Variants in XKR6 observed in about 807,000 individuals in gnomAD.
The protein encoded by XKR6 is XK related 6.
A neutral mutation model predicts 56.7 loss-of-function variants in XKR6; 22 were observed. That is an observed-to-expected ratio of 0.39 (90% CI 0.28 to 0.55). The LOEUF is 0.55. Among genes scored for constraint, XKR6 ranks in the 20% least tolerant of loss-of-function variants. The pLI, the probability that XKR6 is intolerant of heterozygous loss-of-function variation, is 0.66. For synonymous variants in XKR6, 524 were observed against 387.8 expected (o/e 1.35, Z -4.13); for missense variants, 852 against 889.0 (o/e 0.96, Z 0.53).
chr8:10,988,879 C>T (rs575232696), intron 1 of XKR6, among the ~76,000 whole-genome samples: 12 of 152,302 alleles, frequency 7.9e-5, no homozygotes, highest in South Asian at 2.1e-4. Context: ...CTTTGCTGTC[C>T]GGTGGCTTGT....
intron 1 of XKR6, among the ~76,000 whole-genome samples, chr8:11,170,071 G>C (rs1042610851): frequency 2.0e-5 from 3 of 151,842 alleles, no homozygotes; most frequent in African/African-American, 4.9e-5. Flanking sequence ...CAAGTTTCTG[G>C]TTATTAGATA....
intron 1 of XKR6, among the ~76,000 whole-genome samples, chr8:11,000,370 G>A (rs539555638): frequency 1.3e-5 from 2 of 152,282 alleles, no homozygotes; most frequent in African/African-American, 4.8e-5. Context: ...CTTCCTCGTG[G>A]AGCACATAAT....
Position 11,201,379 on chromosome 8 carries a change from A to AG in XKR6, c.-41_-40insC. Reference sequence around the variant, plus strand: ...CAGCTCCGGAGGTTGGGGGGGAGGGACGGCGGGGGGGGGGGGAAGAAGGCA... The same window carrying AG: ...CAGCTCCGGAGGTTGGGGGGGAGGGAGCGGCGGGGGGGGGGGGAAGAAGGCA... On this transcript the variant is annotated 5_prime_UTR_variant, in exon 1 of 3. Coordinates refer to ENST00000416569, the MANE Select transcript of XKR6 (RefSeq NM_173683.4). 4.6e-5 allele frequency: 6 copies of AG among 129,386 alleles called. No individual in the cohort carries two copies. The highest frequency in any genetic ancestry group is 1.7e-4 in the South Asian group (2 of 11,796). The allele number at this position is 129,386 out of a possible 1,614,324, so 8.0% of individuals were successfully genotyped here.
chr8:11,061,267 C>A (rs1272097332), intron 1 of XKR6, among the ~76,000 whole-genome samples: 2 of 152,088 alleles, frequency 1.3e-5, no homozygotes, highest in African/African-American at 4.8e-5. Context: ...GAGTTTGAGC[C>A]CAGCCTGGGC....
chr8:11,199,243 T>C (rs1291797560), intron 1 of XKR6, among the ~76,000 whole-genome samples: 2 of 152,248 alleles, frequency 1.3e-5, no homozygotes, highest in Admixed American at 6.5e-5. Context: ...TCCCCTAGCC[T>C]GAATTTGCAC....
intron 1 of XKR6, among the ~76,000 whole-genome samples, chr8:11,182,103 T>C (rs1194814781): frequency 1.3e-5 from 2 of 152,204 alleles, no homozygotes; most frequent in Non-Finnish European, 2.9e-5. Context: ...CTAACCAAAA[T>C]AAACACTATT....
intron 1 of XKR6, among the ~76,000 whole-genome samples, chr8:11,134,090 C>G (rs1057123927): frequency 6.6e-6 from 1 of 152,154 alleles, no homozygotes; most frequent in Non-Finnish European, 1.5e-5. Flanking sequence ...CATCACCACA[C>G]CCTGGTTCCT....
At chr8:11,083,825 A>T (rs1373838432) in intron 1 of XKR6, among the ~76,000 whole-genome samples, 2 of 152,194 alleles carry the variant, frequency 1.3e-5, no homozygotes, top group East Asian at 3.8e-4. Flanking sequence ...GAAAGAGAAC[A>T]TGGAACTGTA....
chr8:10,945,282 G>A (rs563613662), intron 1 of XKR6, among the ~76,000 whole-genome samples: 3 of 152,292 alleles, frequency 2.0e-5, no homozygotes, highest in East Asian at 3.9e-4. Context: ...TCGGGAGTTC[G>A]ACACCAGCCT....
In XKR6 at chr8:11,178,557, T is replaced by TATATAC. The variant is rs1483309298; in HGVS notation, c.764+22018_764+22019insGTATAT. ...CATCTGAGAGGTAAAAATATATATA[T>TATATAC]ATATATATATATATATGTATATATA... On this transcript the variant is annotated intron_variant, in intron 1 of 2. Transcript: ENST00000416569. 8.5e-5 allele frequency among the ~76,000 whole-genome samples: 12 copies of TATATAC among 141,586 alleles called. 1 individual carries two copies. The highest frequency in any genetic ancestry group is 3.1e-4 in the African/African-American group (12 of 38,796). 92.9% of individuals were successfully genotyped at this position (141,586 alleles called of 152,430 possible).
chr8:11,196,358 A>C (rs1170746954), intron 1 of XKR6, among the ~76,000 whole-genome samples: 2 of 152,200 alleles, frequency 1.3e-5, no homozygotes, highest in Non-Finnish European at 2.9e-5. Flanking sequence ...TTTATTGAAC[A>C]CTGTTTTGAA....
At chr8:11,097,437 A>G (rs1199375897) in intron 1 of XKR6, among the ~76,000 whole-genome samples, 1 of 151,886 alleles carries the variant, frequency 6.6e-6, no homozygotes, top group Non-Finnish European at 1.5e-5. Context: ...AAAGTAGATA[A>G]TACCAGCACT....
chr8:10,972,924 C>T (rs1478593571), intron 1 of XKR6, among the ~76,000 whole-genome samples: 1 of 152,090 alleles, frequency 6.6e-6, no homozygotes, highest in Non-Finnish European at 1.5e-5. Flanking sequence ...TACCAAGAGT[C>T]CTGTGCACAG....
intron 1 of XKR6, among the ~76,000 whole-genome samples, chr8:10,998,896 G>A (rs1389633725): frequency 6.6e-6 from 1 of 152,192 alleles, no homozygotes; most frequent in Non-Finnish European, 1.5e-5. Context: ...ATATACCCAG[G>A]ATGGAATCCT....
intron 2 of XKR6, among the ~76,000 whole-genome samples, chr8:10,916,778 T>C (rs985493882): frequency 3.3e-5 from 5 of 152,230 alleles, no homozygotes; most frequent in South Asian, 2.1e-4. Flanking sequence ...TTCTGCTTAA[T>C]GGGAGCAGAG....
At chr8:10,993,254 T>G (rs1422618307) in intron 1 of XKR6, among the ~76,000 whole-genome samples, 1 of 152,218 alleles carries the variant, frequency 6.6e-6, no homozygotes, top group Admixed American at 6.5e-5. Flanking sequence ...ATTGAATGCC[T>G]CTTACCAATC....
chr8:10,904,824 C>T (rs148474964), intron 2 of XKR6, among the ~76,000 whole-genome samples: 2 of 152,320 alleles, frequency 1.3e-5, no homozygotes, highest in East Asian at 3.9e-4. Flanking sequence ...ACCAACTGCC[C>T]CTGAGCCAGA....
chr8:11,027,648 C>A (rs886162882), intron 1 of XKR6, among the ~76,000 whole-genome samples: 1 of 152,202 alleles, frequency 6.6e-6, no homozygotes, highest in Non-Finnish European at 1.5e-5. Flanking sequence ...GCCAGTGGCT[C>A]AAGGCCTTGC....
chr8:10,924,494 G>T (rs7832003), intron 2 of XKR6, 140 bp downstream of exon 2: 5 of 984,624 alleles, frequency 5.1e-6, no homozygotes, highest in South Asian at 3.3e-5. Flanking sequence ...GCACTGCACT[G>T]GGGGCCGGGC....
Sources: gnomAD v4.1 joint callset for allele counts (sites outside exome capture counted in the v4.1 genomes callset) on GRCh38, gnomAD v4.1.1 for gene constraint, MANE v1.5 for transcripts, NCBI Gene and HGNC (gene_info 2026-07-23, HGNC 2026-07-21) for gene names.